CCDC148: variants seen among roughly 807,000 people sequenced by gnomAD.
The protein encoded by CCDC148 is coiled-coil domain-containing protein 148.
Under a neutral mutation model 85.7 loss-of-function variants are expected in CCDC148, and 89 were observed. That is an observed-to-expected ratio of 1.04 (90% CI 0.87 to 1.24). CCDC148 has a LOEUF of 1.24. CCDC148 is among the 50% of genes most tolerant of loss of function. The pLI, the probability that CCDC148 is intolerant of heterozygous loss-of-function variation, is 0.00. For synonymous variants in CCDC148, 230 were observed against 213.9 expected (o/e 1.08, Z -0.66); for missense variants, 692 against 671.7 (o/e 1.03, Z -0.33).
intron 9 of CCDC148, among the ~76,000 whole-genome samples, chr2:158,293,433 G>A (rs1410058949): frequency 6.6e-6 from 1 of 152,176 alleles, no homozygotes. Flanking sequence ...TGTTTCTAAA[G>A]CAAAGTTTCA....
At chr2:158,409,006 T>G (rs1686142828) in intron 1 of CCDC148, among the ~76,000 whole-genome samples, 1 of 152,102 alleles carries the variant, frequency 6.6e-6, no homozygotes, top group South Asian at 2.1e-4. Context: ...TTTTCGCCCA[T>G]TTTTTCATAG....
At chr2:158,370,654 G>A (rs1684398990) in intron 1 of CCDC148, among the ~76,000 whole-genome samples, 2 of 151,692 alleles carry the variant, frequency 1.3e-5, no homozygotes, top group African/African-American at 4.9e-5. Flanking sequence ...ACTGTAGTTT[G>A]TGTAAGATAA....
chr2:158,300,993 T>C (rs746991256), intron 9 of CCDC148, among the ~76,000 whole-genome samples: 2 of 152,172 alleles, frequency 1.3e-5, no homozygotes, highest in Non-Finnish European at 2.9e-5. Flanking sequence ...TAGCTAGAAC[T>C]ACATGCACGC....
chr2:158,319,130 T>C (rs755207294), intron 7 of CCDC148, among the ~76,000 whole-genome samples: 87 of 152,166 alleles, frequency 5.7e-4, no homozygotes, highest in Non-Finnish European at 1.1e-3. Flanking sequence ...TTTTTAATAA[T>C]TACATTCATC....
At chr2:158,284,721 T>G (rs962959003) in intron 9 of CCDC148, among the ~76,000 whole-genome samples, 4 of 152,186 alleles carry the variant, frequency 2.6e-5, no homozygotes, top group Non-Finnish European at 5.9e-5. Flanking sequence ...CATATCAAAT[T>G]ATTTCTGTGA....
At chr2:158,255,470 T>C (rs1688974283) in intron 9 of CCDC148, among the ~76,000 whole-genome samples, 1 of 151,680 alleles carries the variant, frequency 6.6e-6, no homozygotes, top group South Asian at 2.1e-4. Context: ...AAATAACCCT[T>C]ATCCAATGGA....
intron 9 of CCDC148, among the ~76,000 whole-genome samples, chr2:158,301,267 C>T (rs1691429272): frequency 6.6e-6 from 1 of 152,096 alleles, no homozygotes; most frequent in African/African-American, 2.4e-5. Context: ...GGAACAATGG[C>T]CAGGGCTTTA....
intron 9 of CCDC148, among the ~76,000 whole-genome samples, chr2:158,254,985 C>CAAA (rs58809618): frequency 7.6e-6 from 1 of 131,128 alleles, no homozygotes; most frequent in Non-Finnish European, 1.7e-5. Context: ...TTCTTTTCTC[C>CAAA]AAAAAAAAAA....
intron 1 of CCDC148, among the ~76,000 whole-genome samples, chr2:158,396,289 T>G (rs1160955020): frequency 3.3e-5 from 5 of 152,182 alleles, no homozygotes; most frequent in Admixed American, 6.6e-5. Context: ...TATTTCTCTA[T>G]GAGAACAACT....
intron 1 of CCDC148, among the ~76,000 whole-genome samples, chr2:158,430,359 AT>A (rs1687292622): frequency 6.6e-6 from 1 of 152,160 alleles, no homozygotes; most frequent in African/African-American, 2.4e-5. Flanking sequence ...CCAAAAACTA[AT>A]TTTTTTAAAA....
chr2:158,426,675 G>A (rs7592029), intron 1 of CCDC148, among the ~76,000 whole-genome samples: 25,363 of 152,110 alleles, frequency 0.17, 2,283 homozygotes, highest in Middle Eastern at 0.21. Context: ...ACATGTGTCC[G>A]CATGCAGAGT....
intron 7 of CCDC148, among the ~76,000 whole-genome samples, chr2:158,321,122 C>T (rs761947949): frequency 6.6e-5 from 10 of 151,942 alleles, no homozygotes; most frequent in Non-Finnish European, 1.0e-4. Context: ...TTTATTCCCA[C>T]GACAAACTCA....
chr2:158,360,530 C>G (rs755403325), intron 1 of CCDC148, among the ~76,000 whole-genome samples: 4 of 152,146 alleles, frequency 2.6e-5, no homozygotes, highest in Non-Finnish European at 5.9e-5. Flanking sequence ...CCCAGGTAAA[C>G]AGAGTCTGGA....
intron 1 of CCDC148, among the ~76,000 whole-genome samples, chr2:158,364,653 A>C (rs2105273592): frequency 6.6e-6 from 1 of 152,342 alleles, no homozygotes. Flanking sequence ...CCTTATAGAA[A>C]AATTAATTCA....
chr2:158,398,142 C>G (rs1262954267), intron 1 of CCDC148, among the ~76,000 whole-genome samples: 1 of 152,008 alleles, frequency 6.6e-6, no homozygotes, highest in Non-Finnish European at 1.5e-5. Flanking sequence ...TCTTAGAGAC[C>G]TACAAAGAGA....
At chr2:158,386,609 T>C (rs1470093213) in intron 1 of CCDC148, among the ~76,000 whole-genome samples, 3 of 152,150 alleles carry the variant, frequency 2.0e-5, no homozygotes, top group Non-Finnish European at 4.4e-5. Context: ...CAAAGAGAGA[T>C]GCTCCAAACT....
In CCDC148 at chr2:158,428,688, G is replaced by T. The variant is rs144113216; in HGVS notation, c.25+27727C>A. On this transcript the variant is annotated intron_variant, in intron 1 of 13. Transcript: ENST00000283233. Reference sequence around the variant, plus strand: ...TAGGAACACTTTTACACTGTTGGTGGGACTTTAAACTAGTTCAACCATTGC... The same window carrying T: ...TAGGAACACTTTTACACTGTTGGTGTGACTTTAAACTAGTTCAACCATTGC... Among the ~76,000 whole-genome samples the T allele has an allele frequency of 7.7e-3, 1,139 of 148,226 alleles. 19 individuals carry two copies. The highest frequency in any genetic ancestry group is 0.027 in the African/African-American group (1,089 of 40,322).
chr2:158,400,387 G>C (rs994130328), intron 1 of CCDC148, among the ~76,000 whole-genome samples: 8 of 151,880 alleles, frequency 5.3e-5, no homozygotes, highest in African/African-American at 1.9e-4. Flanking sequence ...CAGAACAGAG[G>C]TCTCAGAAAT....
chr2:158,237,790 G>T (rs1688173437), intron 10 of CCDC148, among the ~76,000 whole-genome samples: 1 of 152,120 alleles, frequency 6.6e-6, no homozygotes, highest in Non-Finnish European at 1.5e-5. Flanking sequence ...ATACTGAGAG[G>T]ACTGACCCCC....
Sources: allele counts gnomAD v4.1 joint callset (sites outside exome capture counted in the v4.1 genomes callset), GRCh38; gene constraint gnomAD v4.1.1; transcripts MANE v1.5; gene names NCBI Gene and HGNC (gene_info 2026-07-23, HGNC 2026-07-21).